ERG: variants seen among roughly 807,000 people sequenced by gnomAD.
ERG encodes ETS transcription factor ERG, also known as transcriptional regulator ERG.
A neutral mutation model predicts 55.3 loss-of-function variants in ERG; 9 were observed. The ratio of observed to expected loss-of-function variants is 0.16; its 90% CI spans 0.10 to 0.28. ERG has a LOEUF of 0.28. Ranked by LOEUF, ERG falls within the 10% of genes least tolerant of loss-of-function variation. The pLI is 1.00. For missense variants in ERG, 434 were observed against 631.6 expected (o/e 0.69, Z 3.35); for synonymous variants, 223 against 237.3 (o/e 0.94, Z 0.55).
chr21:38,477,091 C>A (rs2059196152), intron 1 of ERG, among the ~76,000 whole-genome samples: 2 of 137,134 alleles, frequency 1.5e-5, no homozygotes, highest in South Asian at 4.7e-4. Flanking sequence ...TGGCTCACTG[C>A]AACCTTGACC....
At chr21:38,518,915 A>G (rs957816563) in intron 2 of ERG, among the ~76,000 whole-genome samples, 21 of 152,248 alleles carry the variant, frequency 1.4e-4, no homozygotes, top group African/African-American at 5.1e-4. Context: ...TATCCAGAAT[A>G]TGTAAAGAAC....
In ERG at chr21:38,460,243, A is replaced by G. The variant is rs1364968461; in HGVS notation, c.19-14622T>C. 2.0e-5 allele frequency among the ~76,000 whole-genome samples: 3 copies of G among 152,100 alleles called. No homozygotes were observed. Among genetic ancestry groups the G allele is most frequent in the Non-Finnish European group, 4.4e-5 (3 of 68,030 alleles). On this transcript the variant is annotated intron_variant, in intron 1 of 9. Transcript: ENST00000288319. This position sits in a 1 kb window ranked among gnomAD's most constrained non-coding sequence, Gnocchi z 5.0. ...GAAAGGAGCGAAAGAAAGAACCAGG[A>G]GGTGAACCAGGAAAGGCTGGGGGTG...
At chr21:38,386,259 G>T (rs566117920) in intron 9 of ERG, among the ~76,000 whole-genome samples, 3 of 152,188 alleles carry the variant, frequency 2.0e-5, no homozygotes, top group African/African-American at 7.2e-5. Context: ...TCAAGGGAGG[G>T]TCTATAGAAA....
chr21:38,386,912 T>C (rs1425964000), intron 9 of ERG, among the ~76,000 whole-genome samples: 5 of 152,148 alleles, frequency 3.3e-5, no homozygotes, highest in African/African-American at 1.2e-4. Flanking sequence ...GCAAGCAGCA[T>C]TGTCCACCTA....
chr21:38,612,344 A>C (rs537345071), intron 1 of ERG, among the ~76,000 whole-genome samples: 109 of 152,270 alleles, frequency 7.2e-4, no homozygotes, highest in African/African-American at 2.5e-3. Context: ...TAATAGGATT[A>C]GCTTTTTGAT....
chr21:38,407,198 T>C (rs1435175988), intron 3 of ERG, among the ~76,000 whole-genome samples: 1 of 152,256 alleles, frequency 6.6e-6, no homozygotes, highest in Non-Finnish European at 1.5e-5. Context: ...GTCAAGGATG[T>C]TCTTTGTAGT....
In ERG at chr21:38,623,115, C is replaced by T. The variant is rs546138334; in HGVS notation, c.-149-38170G>A. Among the ~76,000 whole-genome samples the T allele has an allele frequency of 4.6e-5, 7 of 150,764 alleles. No individual in the cohort carries two copies. The East Asian group carries it at 5.9e-4, about 13-fold the overall frequency. On this transcript the variant is annotated intron_variant, in intron 1 of 10. Coordinates refer to the ERG transcript ENST00000398910. ...ATTATATATGCACCATACACTCACA[C>T]GCACATCATGCACACACACCACACA...
At chr21:38,504,056 G>A (rs2059442108) in intron 2 of ERG, among the ~76,000 whole-genome samples, 2 of 152,256 alleles carry the variant, frequency 1.3e-5, no homozygotes, top group East Asian at 1.9e-4. Flanking sequence ...GTAGGGGAGT[G>A]CCATATCCCC....
chr21:38,580,055 C>T (rs2060019328), intron 1 of ERG, among the ~76,000 whole-genome samples: 1 of 152,152 alleles, frequency 6.6e-6, no homozygotes, highest in South Asian at 2.1e-4. Flanking sequence ...CTCCTGACCT[C>T]TTGATCCACC....
chr21:38,510,836 T>C (rs889413064), intron 2 of ERG, among the ~76,000 whole-genome samples: 2 of 152,204 alleles, frequency 1.3e-5, no homozygotes, highest in Non-Finnish European at 2.9e-5. Context: ...TTTTCTCCTA[T>C]AAGAGCCAGG....
At chr21:38,427,149 G>A (rs894622212) in intron 2 of ERG, among the ~76,000 whole-genome samples, 1 of 152,198 alleles carries the variant, frequency 6.6e-6, no homozygotes, top group African/African-American at 2.4e-5. Flanking sequence ...TTGGGAGGCT[G>A]AGGCAGGCAG....
At chr21:38,562,023 C>A (rs2059895855) in intron 2 of ERG, among the ~76,000 whole-genome samples, 1 of 152,136 alleles carries the variant, frequency 6.6e-6, no homozygotes, top group African/African-American at 2.4e-5. Flanking sequence ...GTTAAAATCC[C>A]AACATCTGGA....
upstream of ERG, among the ~76,000 whole-genome samples, chr21:38,585,955 G>GA (rs970342353): frequency 1.3e-4 from 19 of 147,754 alleles, no homozygotes; most frequent in African/African-American, 3.2e-4. Flanking sequence ...ATTGCACAAA[G>GA]AAAAAAAAAT....
At chr21:38,384,500 C>T (rs913529628) in intron 9 of ERG, among the ~76,000 whole-genome samples, 10 of 152,220 alleles carry the variant, frequency 6.6e-5, no homozygotes, top group African/African-American at 2.4e-4. Context: ...GTTCAGGCTG[C>T]TTCCATCCAT....
chr21:38,656,599 C>T (rs576966441), intron 1 of ERG, among the ~76,000 whole-genome samples: 1 of 152,124 alleles, frequency 6.6e-6, no homozygotes, highest in South Asian at 2.1e-4. Flanking sequence ...TAGTGAGCCC[C>T]AAGAATGCAT....
intron 1 of ERG, among the ~76,000 whole-genome samples, chr21:38,614,920 G>T (rs1326336972): frequency 6.6e-6 from 1 of 152,210 alleles, no homozygotes; most frequent in Non-Finnish European, 1.5e-5. Context: ...AAGATTGTCC[G>T]GCTCTACTCA....
At chr21:38,394,500 C>T (rs1285251673) in intron 6 of ERG, among the ~76,000 whole-genome samples, 1 of 152,038 alleles carries the variant, frequency 6.6e-6, no homozygotes, top group Admixed American at 6.6e-5. Flanking sequence ...CTACAGGTGC[C>T]TGCCACCATG....
At chr21:38,442,046 T>C (rs555444313) in intron 2 of ERG, among the ~76,000 whole-genome samples, 8 of 152,226 alleles carry the variant, frequency 5.3e-5, no homozygotes, top group Non-Finnish European at 1.2e-4. Flanking sequence ...GGCAGCAATC[T>C]GGGCAATGTT....
intron 1 of ERG, among the ~76,000 whole-genome samples, chr21:38,620,289 C>T (rs538407731): frequency 6.6e-5 from 10 of 150,734 alleles, no homozygotes; most frequent in Admixed American, 6.0e-4. Context: ...AACAGAAAGG[C>T]GATGACTTAT....
Sources: allele counts gnomAD v4.1 joint callset (sites outside exome capture counted in the v4.1 genomes callset), GRCh38; gene constraint gnomAD v4.1.1; non-coding constraint Gnocchi (gnomAD v3.1); transcripts MANE v1.5; gene names NCBI Gene and HGNC (gene_info 2026-07-23, HGNC 2026-07-21).